The following THRB variants were observed in gnomAD, a reference collection of about 807,000 sequenced individuals.
THRB encodes the protein thyroid hormone receptor beta.
THRB carries 12 observed loss-of-function variants against 47.8 expected under a neutral mutation model. That is an observed-to-expected ratio of 0.25 (90% CI 0.16 to 0.41). THRB has a LOEUF of 0.41. Ranked by LOEUF, THRB falls within the 10% of genes least tolerant of loss-of-function variation. The pLI is 1.00. For missense variants in THRB, 348 were observed against 589.2 expected (o/e 0.59, Z 4.24); for synonymous variants, 218 against 212.2 (o/e 1.03, Z -0.24).
chr3:24,406,232 C>A, intron 1 of THRB, among the ~76,000 whole-genome samples: 1 of 151,534 alleles, frequency 6.6e-6, no homozygotes, highest in East Asian at 2.0e-4. Flanking sequence ...TCTTATTTCT[C>A]ATTTTGAAAT....
chr3:24,347,048 G>A (rs890699512), intron 1 of THRB, among the ~76,000 whole-genome samples: 9 of 152,040 alleles, frequency 5.9e-5, no homozygotes, highest in African/African-American at 2.2e-4. Flanking sequence ...AACATAAGAT[G>A]TTTACTGACC....
chr3:24,337,651 G>A (rs2062348670), intron 1 of THRB, among the ~76,000 whole-genome samples: 2 of 152,172 alleles, frequency 1.3e-5, no homozygotes, highest in African/African-American at 4.8e-5. Context: ...TGGAGTTTTA[G>A]GAACAAGACC....
At chr3:24,263,057 G>T (rs1468604865) in intron 3 of THRB, among the ~76,000 whole-genome samples, 1 of 152,076 alleles carries the variant, frequency 6.6e-6, no homozygotes, top group Non-Finnish European at 1.5e-5. Flanking sequence ...GACATACAGG[G>T]GTAAACCATT....
chr3:24,218,814 C>G (rs778765066), intron 4 of THRB, among the ~76,000 whole-genome samples: 12 of 152,114 alleles, frequency 7.9e-5, no homozygotes, highest in Non-Finnish European at 1.3e-4. Flanking sequence ...AACAATAACC[C>G]TATGGGGACT....
intron 1 of THRB, among the ~76,000 whole-genome samples, chr3:24,360,776 C>T (rs2064005690): frequency 1.3e-5 from 2 of 152,236 alleles, no homozygotes; most frequent in South Asian, 4.2e-4. Flanking sequence ...TTATACACAT[C>T]ATATGTCCCC....
intron 1 of THRB, among the ~76,000 whole-genome samples, chr3:24,435,544 C>G (rs944961980): frequency 6.6e-6 from 1 of 152,170 alleles, no homozygotes; most frequent in Non-Finnish European, 1.5e-5. Context: ...CACTTCCCCT[C>G]TCCCTAACTT....
chr3:24,384,868 G>A lies in THRB; in HGVS notation c.-260-47497C>T, dbSNP rs180765824. Among the ~76,000 whole-genome samples, 426 of 152,250 alleles carry A rather than the reference G, an allele frequency of 2.8e-3. 2 individuals carry two copies. Among genetic ancestry groups the A allele is most frequent in the African/African-American group, 9.8e-3 (406 of 41,560 alleles). On this transcript the variant is annotated intron_variant, in intron 1 of 10. Transcript: ENST00000646209. ...ATTGACTGTGAAGAGGCATAAAGGA[G>A]GTAGCCTCCTGGGTTTTGGAAATGC...
intron 2 of THRB, among the ~76,000 whole-genome samples, chr3:24,316,671 C>T (rs1390863981): frequency 6.6e-6 from 1 of 152,136 alleles, no homozygotes; most frequent in Admixed American, 6.5e-5. Flanking sequence ...CTCTACTTAA[C>T]AACCCTCAAT....
intron 1 of THRB, among the ~76,000 whole-genome samples, chr3:24,395,037 C>G (rs1355810459): frequency 1.3e-5 from 2 of 152,024 alleles, no homozygotes; most frequent in African/African-American, 4.8e-5. Context: ...GATGAGGAGG[C>G]TATTTTAAAA....
intron 3 of THRB, among the ~76,000 whole-genome samples, chr3:24,253,472 G>A (rs1264118913): frequency 1.3e-5 from 2 of 152,142 alleles, no homozygotes; most frequent in East Asian, 3.9e-4. Flanking sequence ...ACAAATAAAT[G>A]TCACATGGAA....
In THRB at chr3:24,329,250, T is replaced by C. The variant is rs115262134; in HGVS notation, c.-189+8050A>G. On this transcript the variant is annotated intron_variant, in intron 2 of 10. Transcript: ENST00000646209. Reference sequence around the variant, plus strand: ...ATAAGCCACTGCACCTGGTCCAGCCTGAATTCTTAAACTCCATCTATTACC... The same window carrying C: ...ATAAGCCACTGCACCTGGTCCAGCCCGAATTCTTAAACTCCATCTATTACC... 8.2e-3 allele frequency among the ~76,000 whole-genome samples: 1,254 copies of C among 152,318 alleles called. 18 individuals are homozygous for C. The highest frequency in any genetic ancestry group is 0.029 in the African/African-American group (1,191 of 41,580).
rs765808145 is a variant in THRB at position 24,165,217 on chromosome 3, A to G, written c.284-12727T>C. On this transcript the variant is annotated intron_variant, in intron 5 of 10. Transcript: ENST00000646209. ...AGGCCTGTTCCATATATATGTTGTTACTGGGCACAGCCTGAGCATCGCAAC... is the reference window on the plus strand; with the variant it reads ...AGGCCTGTTCCATATATATGTTGTTGCTGGGCACAGCCTGAGCATCGCAAC... 8 of 765,078 alleles carry G rather than the reference A, an allele frequency of 1.0e-5. No individual in the cohort carries two copies. The East Asian group carries it at 1.9e-4, about 19-fold the overall frequency. The allele number at this position is 765,078 out of a possible 1,614,324, so 47.4% of individuals were successfully genotyped here.
chr3:24,472,385 T>C (rs1382047436), intron 1 of THRB, among the ~76,000 whole-genome samples: 1 of 152,182 alleles, frequency 6.6e-6, no homozygotes, highest in Non-Finnish European at 1.5e-5. Context: ...GAAACATCTA[T>C]AGGAATCCAG....
chr3:24,216,092 T>C (rs2046535522), intron 4 of THRB, among the ~76,000 whole-genome samples: 1 of 152,242 alleles, frequency 6.6e-6, no homozygotes, highest in African/African-American at 2.4e-5. Flanking sequence ...CTATCTTTTA[T>C]ATCATTCAAT....
intron 4 of THRB, among the ~76,000 whole-genome samples, chr3:24,217,638 C>A (rs1233488941): frequency 2.0e-5 from 3 of 151,954 alleles, no homozygotes; most frequent in Non-Finnish European, 4.4e-5. Flanking sequence ...TGCTTTTAAA[C>A]ACATTTTATT....
At chr3:24,175,171 T>C (rs942345791) in intron 5 of THRB, among the ~76,000 whole-genome samples, 6 of 152,200 alleles carry the variant, frequency 3.9e-5, no homozygotes, top group African/African-American at 1.4e-4. Context: ...TGAGAAACAA[T>C]ATATAGTCTG....
intron 1 of THRB, among the ~76,000 whole-genome samples, chr3:24,375,380 ATAT>A (rs932610000): frequency 2.9e-5 from 4 of 138,662 alleles, no homozygotes; most frequent in Non-Finnish European, 6.3e-5. Flanking sequence ...TAGACATATA[ATAT>A]TAATATATTA....
rs532604603 is a variant in THRB at position 24,120,337 on chromosome 3, G to T, written c.*2547C>A. The stretch of plus-strand genomic sequence containing the variant: ...TCATTTAAGGTGCCAAGGATCAAAC[G>T]TTCCTTTACTTGCGGCTGGCTGGAT... On this transcript the variant is annotated 3_prime_UTR_variant, in exon 11 of 11. Coordinates refer to ENST00000646209, the MANE Select transcript of THRB (RefSeq NM_001354712.2). 6.6e-6 allele frequency: 1 copy of T among 152,214 alleles called. No individual in the cohort carries two copies. The highest frequency in any genetic ancestry group is 1.5e-5 in the Non-Finnish European group (1 of 68,034). The allele number at this position is 152,214 out of a possible 1,614,324, so 9.4% of individuals were successfully genotyped here.
intron 4 of THRB, among the ~76,000 whole-genome samples, chr3:24,216,381 A>G (rs2046559765): frequency 6.6e-6 from 1 of 152,164 alleles, no homozygotes; most frequent in Non-Finnish European, 1.5e-5. Context: ...CAAGGCAGCC[A>G]GATCACGAGG....
Sources: allele counts gnomAD v4.1 joint callset (sites outside exome capture counted in the v4.1 genomes callset), GRCh38; gene constraint gnomAD v4.1.1; transcripts MANE v1.5; gene names NCBI Gene and HGNC (gene_info 2026-07-23, HGNC 2026-07-21).